The following TLN2 variants were observed in gnomAD, a reference collection of about 807,000 sequenced individuals.
TLN2 encodes talin-2.
Under a neutral mutation model 294.7 loss-of-function variants are expected in TLN2, and 118 were observed. The ratio of observed to expected loss-of-function variants is 0.40; its 90% CI spans 0.34 to 0.47. TLN2 has a LOEUF of 0.47. Ranked by LOEUF, TLN2 falls within the 20% of genes least tolerant of loss-of-function variation. TLN2 has a pLI of 0.84. For missense variants in TLN2, 3,083 were observed against 3,282.2 expected, an observed-to-expected ratio of 0.94 and a Z score of 1.48; for synonymous variants, 1,431 against 1,304.5, an observed-to-expected ratio of 1.10 and a Z score of -2.09.
intron 52 of TLN2, among the ~76,000 whole-genome samples, chr15:62,817,115 C>G (rs961106581): frequency 2.6e-5 from 4 of 152,010 alleles, no homozygotes; most frequent in African/African-American, 9.6e-5. Context: ...GGATAAGTAC[C>G]TGTACACAGG....
chr15:62,819,848 T>A (rs1240391395), intron 53 of TLN2, among the ~76,000 whole-genome samples: 2 of 152,256 alleles, frequency 1.3e-5, no homozygotes, highest in African/African-American at 4.8e-5. Flanking sequence ...GTGCTTCTAC[T>A]TAAATGGTAT....
At chr15:62,838,784 C>G in intron 57 of TLN2, 72 bp from the exon 58 acceptor site, 1 of 1,574,550 alleles carries the variant, frequency 6.4e-7, no homozygotes. Flanking sequence ...CAAACTGTAC[C>G]TTCATGTCTA....
intron 11 of TLN2, among the ~76,000 whole-genome samples, chr15:62,675,908 C>G (rs2056128741): frequency 6.6e-6 from 1 of 152,116 alleles, no homozygotes; most frequent in African/African-American, 2.4e-5. Context: ...TCTTTGTTAC[C>G]CCTTTGCTTT....
rs150591327 is a variant in TLN2, at chr15:62,421,978, G to A, written c.-238+31293G>A. On this transcript the variant is annotated intron_variant, in intron 1 of 58. Transcript: ENST00000636159. ...ATTCTTTGTGTCAGACTTGCCTATCGGGCCAGGTGCAGTAGCTCACACCTG... is the reference window on the plus strand; with the variant it reads ...ATTCTTTGTGTCAGACTTGCCTATCAGGCCAGGTGCAGTAGCTCACACCTG... Among the ~76,000 whole-genome samples, 167 of 151,784 alleles carry A rather than the reference G, an allele frequency of 1.1e-3. 1 individual carries two copies. The highest frequency in any genetic ancestry group is 2.1e-3 in the Non-Finnish European group (144 of 67,886).
At chr15:62,395,176 C>T (rs867846756) in intron 1 of TLN2, among the ~76,000 whole-genome samples, 7 of 121,944 alleles carry the variant, frequency 5.7e-5, no homozygotes, top group East Asian at 2.7e-4. Flanking sequence ...CATTGTGTTC[C>T]GAGGAGGTGA....
intron 9 of TLN2, among the ~76,000 whole-genome samples, chr15:62,668,420 A>G (rs935756527): frequency 2.0e-5 from 3 of 152,218 alleles, no homozygotes; most frequent in Non-Finnish European, 4.4e-5. Flanking sequence ...GTTTGAATTC[A>G]GATCCTGCTC....
chr15:62,656,600 A>G (rs973349068), intron 8 of TLN2, among the ~76,000 whole-genome samples: 3 of 152,166 alleles, frequency 2.0e-5, no homozygotes, highest in South Asian at 2.1e-4. Flanking sequence ...ATTGTCCCCA[A>G]GGTTTCTTGT....
At chr15:62,697,605 A>G in intron 14 of TLN2, 83 bp from the exon 15 acceptor site, 4 of 1,451,870 alleles carry the variant, frequency 2.8e-6, no homozygotes, top group Non-Finnish European at 3.7e-6. Flanking sequence ...AAAGCAGGGA[A>G]CATACGTGAC....
intron 11 of TLN2, among the ~76,000 whole-genome samples, chr15:62,677,211 A>T (rs187408038): frequency 6.8e-4 from 104 of 152,332 alleles, no homozygotes; most frequent in Admixed American, 1.1e-3. Context: ...ATGAGCTCCA[A>T]TGCCTTGCAG....
At chr15:62,550,616 A>G (rs1010498751) in intron 1 of TLN2, among the ~76,000 whole-genome samples, 4 of 152,178 alleles carry the variant, frequency 2.6e-5, no homozygotes, top group Non-Finnish European at 5.9e-5. Context: ...GGTGTGCAGC[A>G]TTTATGCAGT....
At chr15:62,465,346 G>A (rs1413921676) in intron 1 of TLN2, among the ~76,000 whole-genome samples, 3 of 152,082 alleles carry the variant, frequency 2.0e-5, no homozygotes, top group Non-Finnish European at 4.4e-5. Flanking sequence ...TTCCTGTGCG[G>A]TGCGGCTGGG....
chr15:62,629,225 G>C lies in TLN2; in HGVS notation c.-37+10750G>C, dbSNP rs554173014. Reference sequence around the variant, plus strand: ...AAAAATAAAAAAGGAAATTTTGGTGGTAGACTTCATTTAGGCTCTGCCACT... The same window carrying C: ...AAAAATAAAAAAGGAAATTTTGGTGCTAGACTTCATTTAGGCTCTGCCACT... On this transcript the variant is annotated intron_variant, in intron 3 of 58. Coordinates refer to ENST00000636159, the MANE Select transcript of TLN2 (RefSeq NM_015059.3). Among the ~76,000 whole-genome samples, 7 of 152,278 alleles carry C rather than the reference G, an allele frequency of 4.6e-5. No homozygotes were observed. In the South Asian group the frequency reaches 8.3e-4, roughly 18 times the overall value.
Position 62,582,195 on chromosome 15 carries a change from T to TACACACACACACACACACACACAC in TLN2, c.-237-7462_-237-7439dup, listed in dbSNP as rs67748452. Among the ~76,000 whole-genome samples, 139 of 66,488 alleles carry TACACACACACACACACACACACAC rather than the reference T, an allele frequency of 2.1e-3. 4 individuals carry two copies. The highest frequency in any genetic ancestry group is 0.01 in the East Asian group (12 of 1,188). The allele number at this position is 66,488 out of a possible 152,430, so 43.6% of individuals were successfully genotyped here. On this transcript the variant is annotated intron_variant, in intron 1 of 58. Coordinates refer to ENST00000636159, the MANE Select transcript of TLN2 (RefSeq NM_015059.3). ...CATAACTTCAGTGCATGTGTATGCA[T>TACACACACACACACACACACACAC]ACACACACACACACACACACACACA...
intron 1 of TLN2, among the ~76,000 whole-genome samples, chr15:62,470,918 T>C (rs1165437236): frequency 6.6e-6 from 1 of 152,220 alleles, no homozygotes; most frequent in Non-Finnish European, 1.5e-5. Context: ...CGTAGCAAAA[T>C]ATAATTCTGG....
At chr15:62,768,506 A>C (rs1000179295) in intron 41 of TLN2, among the ~76,000 whole-genome samples, 1 of 152,174 alleles carries the variant, frequency 6.6e-6, no homozygotes, top group African/African-American at 2.4e-5. Flanking sequence ...ATGCACCTGC[A>C]AACACCCTTT....
Position 62,686,687 on chromosome 15 carries a change from T to A in TLN2, c.1004T>A (p.Ile335Asn). The stretch of plus-strand genomic sequence containing the variant: ...AAGCTGGTGCCTCGCCTGCTGGGGA[T>A]CACCAAAGACTCGGTGATGCGCGTG... Reference protein sequence around the residue: ...KNKLVPRLLGITKDSVMRVDE... With the variant: ...KNKLVPRLLGNTKDSVMRVDE... The change falls in exon 12 of 59, where the codon ATC becomes AAC. Residue 335 changes from isoleucine to asparagine, a missense_variant. By Grantham distance (149) the Ile-to-Asn change is moderately radical. Transcript: ENST00000636159. 1 of 1,613,880 alleles carries A rather than the reference T, an allele frequency of 6.2e-7. No individual in the cohort carries two copies. The highest frequency in any genetic ancestry group is 1.3e-5 in the African/African-American group (1 of 74,974).
intron 22 of TLN2, among the ~76,000 whole-genome samples, chr15:62,712,863 A>G (rs971187355): frequency 1.3e-5 from 2 of 152,234 alleles, no homozygotes; most frequent in African/African-American, 2.4e-5. Context: ...CCTAGCACAC[A>G]TTTCTTATAG....
intron 25 of TLN2, among the ~76,000 whole-genome samples, chr15:62,721,109 T>G (rs1382708366): frequency 1.3e-5 from 2 of 152,200 alleles, no homozygotes; most frequent in Non-Finnish European, 2.9e-5. Flanking sequence ...CCCTTTTTCT[T>G]TTGTTCTTTT....
intron 52 of TLN2, among the ~76,000 whole-genome samples, chr15:62,812,140 C>G (rs115062825): frequency 6.6e-6 from 1 of 152,096 alleles, no homozygotes; most frequent in Non-Finnish European, 1.5e-5. Context: ...GCCTCTGCCT[C>G]CTAAATGGGA....
Sources: gnomAD v4.1 joint callset for allele counts (sites outside exome capture counted in the v4.1 genomes callset) on GRCh38, gnomAD v4.1.1 for gene constraint, MANE v1.5 for transcripts, NCBI Gene and HGNC (gene_info 2026-07-23, HGNC 2026-07-21) for gene names.